Variants in ASB1 observed in about 807,000 individuals in gnomAD.
The protein encoded by ASB1 is ankyrin repeat and SOCS box protein 1.
A neutral mutation model predicts 27.7 loss-of-function variants in ASB1; 18 were observed. The observed-to-expected ratio is 0.65, with a 90% CI of 0.45 to 0.96. The LOEUF is 0.96. ASB1 is among the 50% of genes least tolerant of loss of function. ASB1 has a pLI of 0.00. For synonymous variants in ASB1, 189 were observed against 187.6 expected, an observed-to-expected ratio of 1.01 and a Z score of -0.06; for missense variants, 397 against 451.7, an observed-to-expected ratio of 0.88 and a Z score of 1.10.
At position 238,451,762 on chromosome 2, in the gene ASB1, T is replaced by C. The variant is rs1575012697; in HGVS notation, c.*5251T>C. The C allele has an allele frequency of 6.5e-6, 1 of 152,782 alleles. No homozygotes were observed. Among genetic ancestry groups the C allele is most frequent in the East Asian group, 1.9e-4 (1 of 5,196 alleles). 9.5% of individuals were successfully genotyped at this position (152,782 alleles called of 1,614,324 possible). On this transcript the variant is annotated 3_prime_UTR_variant, in exon 5 of 5. Transcript: ENST00000264607. ...CTAATTGCCCCCAAATGCCTTAATTTTGTGGACTGTTTATTTCAACAGGTG... is the reference window on the plus strand; with the variant it reads ...CTAATTGCCCCCAAATGCCTTAATTCTGTGGACTGTTTATTTCAACAGGTG...
Position 238,451,282 on chromosome 2 carries a change from C to T in ASB1, c.*4771C>T, listed in dbSNP as rs972798635. 2.6e-5 allele frequency: 4 copies of T among 152,320 alleles called. No homozygotes were observed. The highest frequency in any genetic ancestry group is 2.1e-4 in the South Asian group (1 of 4,832). The allele number at this position is 152,320 out of a possible 1,614,324, so 9.4% of individuals were successfully genotyped here. On this transcript the variant is annotated 3_prime_UTR_variant, in exon 5 of 5. Coordinates refer to ENST00000264607, the MANE Select transcript of ASB1 (RefSeq NM_001040445.3). ...GGGGATTTCTGTTGCCTTGACATGT[C>T]GTTGCTCAGTGCCTGGATTGCAGGC...
At chr2:238,441,686 C>T (rs1345479174) in intron 3 of ASB1, among the ~76,000 whole-genome samples, 2 of 152,178 alleles carry the variant, frequency 1.3e-5, no homozygotes, top group African/African-American at 4.8e-5. Flanking sequence ...CACAGCGTGG[C>T]GTTGTGCAGA....
Position 238,451,019 on chromosome 2 carries a change from TG to T in ASB1, c.*4509del, listed in dbSNP as rs1702272607. ...CCCGCTCCAAACCCGAACCTCTCAGTGTGGAATGAACGCTCCAAACCCGAAC... is the reference window on the plus strand; with the variant it reads ...CCCGCTCCAAACCCGAACCTCTCAGTTGGAATGAACGCTCCAAACCCGAAC... On this transcript the variant is annotated 3_prime_UTR_variant, in exon 5 of 5. Coordinates refer to ENST00000264607, the MANE Select transcript of ASB1 (RefSeq NM_001040445.3). The T allele has an allele frequency of 1.5e-5, 1 of 66,962 alleles. No homozygotes were observed. Among genetic ancestry groups the T allele is most frequent in the African/African-American group, 3.8e-5 (1 of 26,040 alleles). The allele number at this position is 66,962 out of a possible 1,614,324, so 4.1% of individuals were successfully genotyped here. A position where few individuals can be genotyped will look rare whatever the true frequency, so the allele number is the denominator to read the frequency against.
intron 3 of ASB1, among the ~76,000 whole-genome samples, chr2:238,438,846 C>G (rs1201024658): frequency 6.6e-6 from 1 of 152,180 alleles, no homozygotes; most frequent in Non-Finnish European, 1.5e-5. Flanking sequence ...AAAAAAGGTA[C>G]AGAGTGGTAT....
intron 1 of ASB1, among the ~76,000 whole-genome samples, chr2:238,430,249 G>A (rs901512096): frequency 4.6e-5 from 7 of 152,216 alleles, no homozygotes; most frequent in Non-Finnish European, 1.0e-4. Context: ...ATTGGAATCA[G>A]TCCTCTCTAA....
At position 238,449,068 on chromosome 2, in the gene ASB1, A is replaced by T. The variant is rs530151293; in HGVS notation, c.*2557A>T. ...TCTCTGTTCAAGCCAGCCTTTGCCA[A>T]TTTTTTCAGAATCCAAACAATTTGG... On this transcript the variant is annotated 3_prime_UTR_variant, in exon 5 of 5. Coordinates refer to ENST00000264607, the MANE Select transcript of ASB1 (RefSeq NM_001040445.3). The T allele has an allele frequency of 6.6e-6, 1 of 152,166 alleles. No homozygotes were observed. The highest frequency in any genetic ancestry group is 1.5e-5 in the Non-Finnish European group (1 of 68,030). The allele number at this position is 152,166 out of a possible 1,614,324, so 9.4% of individuals were successfully genotyped here.
Position 238,447,562 on chromosome 2 carries a change from T to TA in ASB1, c.*1052dup, listed in dbSNP as rs1198165635. ...TGGCTGCATGAGTTGGGCTTCCCCT[T>TA]ACCCAGGGCTGCACAGCCAGGTGTG... On this transcript the variant is annotated 3_prime_UTR_variant, in exon 5 of 5. Coordinates refer to ENST00000264607, the MANE Select transcript of ASB1 (RefSeq NM_001040445.3). 6.6e-6 allele frequency: 1 copy of TA among 152,274 alleles called. No homozygotes were observed. The highest frequency in any genetic ancestry group is 1.5e-5 in the Non-Finnish European group (1 of 68,066). The allele number at this position is 152,274 out of a possible 1,614,324, so 9.4% of individuals were successfully genotyped here.
chr2:238,442,747 T>C (rs1032124096), intron 3 of ASB1, among the ~76,000 whole-genome samples: 2 of 152,234 alleles, frequency 1.3e-5, no homozygotes, highest in Non-Finnish European at 2.9e-5. Flanking sequence ...GATATACTTT[T>C]ACCTTTTTCC....
intron 1 of ASB1, among the ~76,000 whole-genome samples, chr2:238,428,294 T>C (rs1241809479): frequency 2.0e-5 from 3 of 152,068 alleles, no homozygotes. Context: ...GCTGCACAGG[T>C]CTCCTTTTTT....
At chr2:238,439,995 T>G (rs757285695) in intron 3 of ASB1, among the ~76,000 whole-genome samples, 4 of 152,240 alleles carry the variant, frequency 2.6e-5, no homozygotes, top group Non-Finnish European at 4.4e-5. Context: ...GAGTTATAAT[T>G]CATTATTATT....
intron 3 of ASB1, among the ~76,000 whole-genome samples, chr2:238,437,550 A>T (rs1441171669): frequency 1.4e-5 from 2 of 139,806 alleles, no homozygotes; most frequent in African/African-American, 5.0e-5. Flanking sequence ...TTTTAATCAT[A>T]CTAACGGTTG....
chr2:238,444,862 G>T (rs1054276442), intron 4 of ASB1, 135 bp downstream of exon 4: 29 of 951,856 alleles, frequency 3.0e-5, no homozygotes, highest in Non-Finnish European at 3.9e-5. Flanking sequence ...CAGTTTTCCA[G>T]ATGGTTGTTC....
chr2:238,449,952 C>G lies in ASB1; in HGVS notation c.*3441C>G, dbSNP rs548641076. 6.6e-6 allele frequency: 1 copy of G among 151,372 alleles called. No individual in the cohort carries two copies. Among genetic ancestry groups the G allele is most frequent in the Non-Finnish European group, 1.5e-5 (1 of 67,994 alleles). The allele number at this position is 151,372 out of a possible 1,614,324, so 9.4% of individuals were successfully genotyped here. A position where few individuals can be genotyped will look rare whatever the true frequency, so the allele number is the denominator to read the frequency against. Reference sequence around the variant, plus strand: ...GGCCTGTGCTTTGCTGCCATCCGTGCGGCCTTGGCCACATCCCTATTAACA... The same window carrying G: ...GGCCTGTGCTTTGCTGCCATCCGTGGGGCCTTGGCCACATCCCTATTAACA... On this transcript the variant is annotated 3_prime_UTR_variant, in exon 5 of 5. Coordinates refer to ENST00000264607, the MANE Select transcript of ASB1 (RefSeq NM_001040445.3).
chr2:238,444,289 G>T, intron 3 of ASB1, 53 bp from the exon 4 acceptor site: 2 of 1,541,850 alleles, frequency 1.3e-6, no homozygotes, highest in South Asian at 1.3e-5. Flanking sequence ...TGTGGGATCT[G>T]TGGGCTGTGG....
intron 3 of ASB1, among the ~76,000 whole-genome samples, chr2:238,439,817 G>A (rs556994036): frequency 6.6e-6 from 1 of 152,242 alleles, no homozygotes; most frequent in East Asian, 1.9e-4. Context: ...TGATTAAGGT[G>A]GTGCCTGCCA....
intron 3 of ASB1, among the ~76,000 whole-genome samples, chr2:238,443,187 G>C (rs951398553): frequency 6.6e-6 from 1 of 152,142 alleles, no homozygotes; most frequent in Non-Finnish European, 1.5e-5. Flanking sequence ...ACTGTGCTAT[G>C]TCTTTCCATT....
chr2:238,449,074 T>C lies in ASB1; in HGVS notation c.*2563T>C, dbSNP rs974499403. On this transcript the variant is annotated 3_prime_UTR_variant, in exon 5 of 5. Coordinates refer to ENST00000264607, the MANE Select transcript of ASB1 (RefSeq NM_001040445.3). ...TTCAAGCCAGCCTTTGCCAATTTTT[T>C]CAGAATCCAAACAATTTGGAGGTTT... The C allele has an allele frequency of 2.6e-5, 4 of 152,246 alleles. No individual in the cohort carries two copies. Among genetic ancestry groups the C allele is most frequent in the African/African-American group, 9.6e-5 (4 of 41,456 alleles). 9.4% of individuals were successfully genotyped at this position (152,246 alleles called of 1,614,324 possible).
In ASB1 at chr2:238,435,875, T is replaced by C; in HGVS notation, c.356T>C (p.Val119Ala). Residue 119 changes from valine (V) to alanine (A), a missense_variant, in exon 3 of 5, where the codon GTG (valine) becomes GCG (alanine). Transcript: ENST00000264607. Reference protein sequence around the residue: ...VKGQTALYVAVVNGHLESTQI... With the variant: ...VKGQTALYVAAVNGHLESTQI... The stretch of plus-strand genomic sequence containing the variant: ...GGACAGACGGCCCTGTATGTGGCTG[T>C]GGTGAACGGGCACCTAGAGAGTACC... The C allele has an allele frequency of 6.2e-7, 1 of 1,614,218 alleles. No homozygotes were observed. The highest frequency in any genetic ancestry group is 1.1e-5 in the South Asian group (1 of 91,086).
In ASB1 at chr2:238,446,587, G is replaced by GTGCTGC. The variant is rs1457260867; in HGVS notation, c.*82_*87dup. ...AGGTGGACACCGAGCCCTGAGTGCT[G>GTGCTGC]TGCTGCTGCTGGTCTCCTGATGGCT... On this transcript the variant is annotated 3_prime_UTR_variant, in exon 5 of 5. Coordinates refer to ENST00000264607, the MANE Select transcript of ASB1 (RefSeq NM_001040445.3). 3 of 1,566,320 alleles carry GTGCTGC rather than the reference G, an allele frequency of 1.9e-6. No homozygotes were observed. In the African/African-American group the frequency reaches 4.0e-5, roughly 21 times the overall value.
Sources: allele counts gnomAD v4.1 joint callset (sites outside exome capture counted in the v4.1 genomes callset), GRCh38; gene constraint gnomAD v4.1.1; transcripts MANE v1.5; gene names NCBI Gene and HGNC (gene_info 2026-07-23, HGNC 2026-07-21).